The following DNMT3A variants were observed in gnomAD, a reference collection of about 807,000 sequenced individuals.
DNMT3A encodes DNA (cytosine-5)-methyltransferase 3A.
A neutral mutation model predicts 117.6 loss-of-function variants in DNMT3A; 267 were observed. That is an observed-to-expected ratio of 2.27 (90% confidence interval 2.05 to 2.51). The LOEUF is 2.51. Among genes scored for constraint, DNMT3A ranks in the 30% most tolerant of loss-of-function variants. The pLI, the probability that DNMT3A is intolerant of heterozygous loss-of-function variation, is 0.00. For missense variants in DNMT3A, 1,029 were observed against 1,260.2 expected (o/e 0.82, Z 2.78); for synonymous variants, 432 against 474.8 (o/e 0.91, Z 1.17).
At chr2:25,321,251 G>C (rs1460413183) in intron 1 of DNMT3A, among the ~76,000 whole-genome samples, 2 of 152,016 alleles carry the variant, frequency 1.3e-5, no homozygotes, top group Non-Finnish European at 2.9e-5. Context: ...AAACTCTAAG[G>C]AGAATCCATT....
At chr2:25,314,743 C>CGGCCACGGCCAAGGCCACA (rs1050132366) in intron 1 of DNMT3A, 1 of 979,268 alleles carries the variant, frequency 1.0e-6, no homozygotes, top group South Asian at 4.7e-5. Flanking sequence ...GGAGAGGCCA[C>CGGCCACGGCCAAGGCCACA]GGCCACGGCC....
intron 6 of DNMT3A, among the ~76,000 whole-genome samples, chr2:25,258,794 G>T (rs147900312): frequency 6.6e-5 from 10 of 152,298 alleles, no homozygotes; most frequent in Non-Finnish European, 1.0e-4. Context: ...GATCTAGGGG[G>T]CATCTGTAAC....
At chr2:25,251,776 C>T (rs1433874350) in intron 6 of DNMT3A, 3 of 258,622 alleles carry the variant, frequency 1.2e-5, no homozygotes, top group East Asian at 6.3e-5. Context: ...TGGCAGGGCC[C>T]TGAGGACCGC....
Position 25,247,909 on chromosome 2 carries a change from G to A in DNMT3A, c.855+128C>T. The stretch of plus-strand genomic sequence containing the variant: ...GACAGAGCAAAATCGGGGAGACGAA[G>A]AGGCCCGGGGTCAGGTGGAGAGAGC... On this transcript the variant is annotated intron_variant, in intron 7 of 22. Transcript: ENST00000321117. This position sits in a 1 kb window ranked among gnomAD's most constrained non-coding sequence, Gnocchi z 5.6. The A allele has an allele frequency of 6.6e-7, 1 of 1,513,230 alleles. No homozygotes were observed. The highest frequency in any genetic ancestry group is 1.2e-5 in the South Asian group (1 of 83,906). 93.7% of individuals were successfully genotyped at this position (1,513,230 alleles called of 1,614,324 possible). A position where few individuals can be genotyped will look rare whatever the true frequency, so the allele number is the denominator to read the frequency against.
chr2:25,336,954 T>A (rs2035239285), intron 1 of DNMT3A, among the ~76,000 whole-genome samples: 2 of 152,188 alleles, frequency 1.3e-5, no homozygotes, highest in African/African-American at 4.8e-5. Context: ...CCCTCTCCAG[T>A]GACCCCAGTC....
At position 25,313,934 on chromosome 2, in the gene DNMT3A, C is replaced by A; in HGVS notation, c.51G>T (p.Ala17=). Residue 17 remains alanine, a synonymous_variant, in exon 2 of 23, where the codon GCG becomes GCT. Coordinates refer to ENST00000321117, the MANE Select transcript of DNMT3A (RefSeq NM_022552.5). ...TCACCTTTCGGTCCTCCTCCCGCTC[C>A]GCAGCAGAGCTGCTGGTGTCCCCGG... ...SGPGDTSSSA[A]EREEDRKDGE... is the part of the protein sequence containing the mutation. 2 of 1,549,944 alleles carry A rather than the reference C, an allele frequency of 1.3e-6. No homozygotes were observed. Among genetic ancestry groups the A allele is most frequent in the Non-Finnish European group, 1.7e-6 (2 of 1,147,060 alleles).
In DNMT3A at chr2:25,300,711, TAATATATA is replaced by T. The variant is rs1479588941; in HGVS notation, c.73-476_73-469del. On this transcript the variant is annotated intron_variant, in intron 2 of 22. Coordinates refer to ENST00000321117, the MANE Select transcript of DNMT3A (RefSeq NM_022552.5). ...TATATATTTATATATCTAAATAATA[TAATATATA>T]TATATATATATATATATATATATAT... 7.4e-4 allele frequency among the ~76,000 whole-genome samples: 31 copies of T among 42,046 alleles called. 1 individual carries two copies. The highest frequency in any genetic ancestry group is 3.4e-3 in the South Asian group (5 of 1,478). The allele number at this position is 42,046 out of a possible 152,430, so 27.6% of individuals were successfully genotyped here. A position where few individuals can be genotyped will look rare whatever the true frequency, so the allele number is the denominator to read the frequency against.
At chr2:25,331,913 C>T (rs2035028461) in intron 1 of DNMT3A, among the ~76,000 whole-genome samples, 1 of 151,448 alleles carries the variant, frequency 6.6e-6, no homozygotes, top group South Asian at 2.1e-4. Flanking sequence ...CCAACCCATG[C>T]CCCCTCCATG....
At chr2:25,332,633 C>T (rs377584187) in intron 1 of DNMT3A, among the ~76,000 whole-genome samples, 216 of 152,372 alleles carry the variant, frequency 1.4e-3, no homozygotes, top group African/African-American at 4.8e-3. Context: ...CAGCATCTCG[C>T]CATGCCGTGC....
At chr2:25,264,116 G>C (rs149781642) in intron 6 of DNMT3A, among the ~76,000 whole-genome samples, 1 of 134,814 alleles carries the variant, frequency 7.4e-6, no homozygotes, top group Non-Finnish European at 1.6e-5. Flanking sequence ...CTCAGTAAAG[G>C]CTGGACAACC....
intron 6 of DNMT3A, among the ~76,000 whole-genome samples, chr2:25,253,744 C>CA (rs1402726365): frequency 6.6e-6 from 1 of 152,206 alleles, no homozygotes; most frequent in Admixed American, 6.5e-5. Context: ...ATGCACCCCA[C>CA]AGCAGAGGGC....
intron 6 of DNMT3A, among the ~76,000 whole-genome samples, chr2:25,250,944 G>A (rs574129207): frequency 9.9e-5 from 15 of 152,250 alleles, no homozygotes; most frequent in African/African-American, 3.6e-4. Flanking sequence ...ACTCCCCCAC[G>A]GCCCCTTTGT....
chr2:25,303,776 TTCTGCTCTG>T (rs2033644217), intron 2 of DNMT3A, among the ~76,000 whole-genome samples: 2 of 152,272 alleles, frequency 1.3e-5, no homozygotes, highest in Admixed American at 1.3e-4. Flanking sequence ...GAAGCGATGC[TTCTGCTCTG>T]GGCCTGCCTG....
chr2:25,261,438 C>CAA lies in DNMT3A; in HGVS notation c.640-13188_640-13187dup, dbSNP rs1299589500. Among the ~76,000 whole-genome samples the CAA allele has an allele frequency of 4.2e-3, 126 of 29,942 alleles. 3 individuals are homozygous for CAA. Among genetic ancestry groups the CAA allele is most frequent in the Non-Finnish European group, 5.9e-3 (92 of 15,726 alleles). 19.6% of individuals were successfully genotyped at this position (29,942 alleles called of 152,430 possible). ...TGGGTGACAGAGTGAGACTCTGTCTCAAAAAAAAAAAAAAAAAAAAAAGCC... is the reference window on the plus strand; with the variant it reads ...TGGGTGACAGAGTGAGACTCTGTCTCAAAAAAAAAAAAAAAAAAAAAAAAGCC... On this transcript the variant is annotated intron_variant, in intron 6 of 22. Transcript: ENST00000321117.
Position 25,293,200 on chromosome 2 carries a change from C to T in DNMT3A, c.177+6939G>A, listed in dbSNP as rs1016973547. Among the ~76,000 whole-genome samples the T allele has an allele frequency of 3.3e-5, 5 of 152,130 alleles. No homozygotes were observed. Among genetic ancestry groups the T allele is most frequent in the African/African-American group, 7.2e-5 (3 of 41,424 alleles). ...CTTCCTTTCACCCCTTCCTCTCCAGCGTTCCCAGGGCCAGCAGCATAGGCT... is the reference window on the plus strand; with the variant it reads ...CTTCCTTTCACCCCTTCCTCTCCAGTGTTCCCAGGGCCAGCAGCATAGGCT... On this transcript the variant is annotated intron_variant, in intron 3 of 22. Coordinates refer to ENST00000321117, the MANE Select transcript of DNMT3A (RefSeq NM_022552.5). This position sits in a 1 kb window ranked among gnomAD's most constrained non-coding sequence, Gnocchi z 4.7.
chr2:25,242,557 C>T (rs1445496772), intron 16 of DNMT3A, among the ~76,000 whole-genome samples: 1 of 152,206 alleles, frequency 6.6e-6, no homozygotes, highest in Non-Finnish European at 1.5e-5. Flanking sequence ...TCTAGGTTTA[C>T]AGAAGAGCAG....
chr2:25,243,092 G>A (rs1430114129), intron 16 of DNMT3A, among the ~76,000 whole-genome samples: 2 of 152,102 alleles, frequency 1.3e-5, no homozygotes, highest in Non-Finnish European at 2.9e-5. Context: ...GGATCACAAG[G>A]TCAAGAGATC....
Position 25,252,338 on chromosome 2 carries a change from C to CGGCGGGGG in DNMT3A, c.640-4094_640-4087dup, listed in dbSNP as rs1675679248. ...GGGGGCCACTGGGAGGGGAGGGGGGCGGCGGGGGGGAGGGAGGGAACATTT... is the reference window on the plus strand; with the variant it reads ...GGGGGCCACTGGGAGGGGAGGGGGGCGGCGGGGGGGCGGGGGGGAGGGAGGGAACATTT... On this transcript the variant is annotated intron_variant, in intron 6 of 22. Transcript: ENST00000321117. The surrounding 1 kb of genome is among the most constrained non-coding windows in gnomAD (Gnocchi z 5.5). 1.4e-5 allele frequency: 1 copy of CGGCGGGGG among 73,674 alleles called. No homozygotes were observed. The highest frequency in any genetic ancestry group is 3.0e-5 in the Non-Finnish European group (1 of 33,484). The allele number at this position is 73,674 out of a possible 1,614,324, so 4.6% of individuals were successfully genotyped here.
intron 3 of DNMT3A, among the ~76,000 whole-genome samples, chr2:25,284,149 C>T (rs1040222021): frequency 4.6e-5 from 7 of 151,148 alleles, no homozygotes; most frequent in East Asian, 1.9e-4. Flanking sequence ...AACTCTGCCT[C>T]GCTGGCTCCG....
Sources: allele counts gnomAD v4.1 joint callset (sites outside exome capture counted in the v4.1 genomes callset), GRCh38; gene constraint gnomAD v4.1.1; non-coding constraint Gnocchi (gnomAD v3.1); transcripts MANE v1.5; gene names NCBI Gene and HGNC (gene_info 2026-07-23, HGNC 2026-07-21).